The following NBPF11 variants were observed in gnomAD, a reference collection of about 807,000 sequenced individuals.
NBPF11 encodes the protein NBPF member 11, also known as NBPF family member NBPF11.
In NBPF11, 72 loss-of-function variants were observed where a neutral mutation model predicts 93.9. That is an observed-to-expected ratio of 0.77 (90% CI 0.63 to 0.93). The LOEUF (loss-of-function observed/expected upper bound fraction) is 0.93. NBPF11 is among the 40% of genes least tolerant of loss of function. The pLI is 0.00. For synonymous variants in NBPF11, 224 were observed against 304.9 expected, an observed-to-expected ratio of 0.73 and a Z score of 2.76; for missense variants, 705 against 802.2, an observed-to-expected ratio of 0.88 and a Z score of 1.46.
chr1:148,140,759 G>C (rs1261974761), intron 2 of NBPF11, among the ~76,000 whole-genome samples: 3 of 151,840 alleles, frequency 2.0e-5, no homozygotes, highest in African/African-American at 7.3e-5. Context: ...ACCAAATGCT[G>C]TCAAAGATCA....
intron 15 of NBPF11, among the ~76,000 whole-genome samples, chr1:148,112,992 C>T (rs1397968318): frequency 2.0e-5 from 3 of 151,880 alleles, no homozygotes; most frequent in Non-Finnish European, 4.4e-5. Flanking sequence ...AAAGGAACAA[C>T]CGGTACCAGC....
At chr1:148,142,045 G>A (rs1351232780) in intron 2 of NBPF11, among the ~76,000 whole-genome samples, 2 of 144,478 alleles carry the variant, frequency 1.4e-5, no homozygotes, top group African/African-American at 5.2e-5. Context: ...AGGAAGGAAG[G>A]CAGGGAGGGA....
At position 148,115,508 on chromosome 1, in the gene NBPF11, A is replaced by T. The variant is rs1207277612; in HGVS notation, c.1585+285T>A. On this transcript the variant is annotated intron_variant, in intron 14 of 23. Coordinates refer to ENST00000682118, the MANE Select transcript of NBPF11 (RefSeq NM_001385469.3). The stretch of plus-strand genomic sequence containing the variant: ...ATGACTAAATCACAGATGACAAGAG[A>T]TACTGAATCGAAGTTAGGAGGCCTG... Among the ~76,000 whole-genome samples, 3 of 151,348 alleles carry T rather than the reference A, an allele frequency of 2.0e-5. No homozygotes were observed. In the East Asian group the frequency reaches 5.8e-4, roughly 29 times the overall value.
chr1:148,113,094 G>A (rs1352308382), intron 15 of NBPF11, among the ~76,000 whole-genome samples: 3 of 151,978 alleles, frequency 2.0e-5, no homozygotes, highest in East Asian at 1.9e-4. Flanking sequence ...ACATCATAAC[G>A]ACAGGATCAA....
At chr1:148,151,509 T>C (rs2746929) in intron 1 of NBPF11, among the ~76,000 whole-genome samples, 34 of 151,968 alleles carry the variant, frequency 2.2e-4, no homozygotes, top group African/African-American at 4.8e-4. Flanking sequence ...ACAGAACACC[T>C]GCCAGGGAGT....
rs1170640628 is a variant in NBPF11, at chr1:148,122,308, C to A, written c.567-42G>T. 3.8e-3 allele frequency: 6,173 copies of A among 1,609,980 alleles called. 88 individuals are homozygous for A. The highest frequency in any genetic ancestry group is 7.3e-3 in the Admixed American group (441 of 60,012). The stretch of plus-strand genomic sequence containing the variant: ...GACAGAGATGACAGAAGATTAAACA[C>A]AGAGGGATTGGACCCCAAGGAGTCC... On this transcript the variant is annotated intron_variant, in intron 8 of 23. Transcript: ENST00000682118.
intron 1 of NBPF11, chr1:148,149,288 C>A: frequency 3.1e-6 from 5 of 1,596,810 alleles, no homozygotes; most frequent in Admixed American, 3.3e-5. Context: ...CTCGGGCATG[C>A]GCGTCGCCTT....
At position 148,133,315 on chromosome 1, in the gene NBPF11, TCTTA is replaced by T. The variant is rs1224399763; in HGVS notation, c.-36+2353_-36+2356del. Among the ~76,000 whole-genome samples, 5 of 152,122 alleles carry T rather than the reference TCTTA, an allele frequency of 3.3e-5. No homozygotes were observed. In the South Asian group the frequency reaches 6.2e-4, roughly 19 times the overall value. On this transcript the variant is annotated intron_variant, in intron 4 of 23. Coordinates refer to ENST00000682118, the MANE Select transcript of NBPF11 (RefSeq NM_001385469.3). ...TTCTTTTCAATACTTTATTAATTTT[TCTTA>T]CTTTATTGCATTGACTTAGAGCTCT...
chr1:148,103,386 T>A lies in NBPF11; in HGVS notation c.*510A>T. On this transcript the variant is annotated 3_prime_UTR_variant, in exon 24 of 24. Coordinates refer to ENST00000682118, the MANE Select transcript of NBPF11 (RefSeq NM_001385469.3). ...CCTGCAAAATGAAATCCCTGAGGAA[T>A]TTTGTAGCTACCCAGAGATACGTGG... 2.1e-6 allele frequency: 1 copy of A among 477,976 alleles called. No homozygotes were observed. The allele number at this position is 477,976 out of a possible 1,614,324, so 29.6% of individuals were successfully genotyped here.
At position 148,136,315 on chromosome 1, in the gene NBPF11, A is replaced by G. The variant is rs1229240914; in HGVS notation, c.-177-502T>C. On this transcript the variant is annotated intron_variant, in intron 3 of 23. Transcript: ENST00000682118. ...ATTCGTAATAGGAAAAACTGGAAACATTCAAATATCTATCAATACAAGAAT... is the reference window on the plus strand; with the variant it reads ...ATTCGTAATAGGAAAAACTGGAAACGTTCAAATATCTATCAATACAAGAAT... Among the ~76,000 whole-genome samples, 164 of 151,964 alleles carry G rather than the reference A, an allele frequency of 1.1e-3. 4 individuals carry two copies. The highest frequency in any genetic ancestry group is 3.6e-3 in the African/African-American group (150 of 41,260).
intron 5 of NBPF11, 144 bp downstream of exon 5, chr1:148,126,685 C>T (rs1250716325): frequency 1.5e-6 from 1 of 651,794 alleles, no homozygotes; most frequent in African/African-American, 1.8e-5. Context: ...ACTTTGGTAC[C>T]TCTGTCTTCC....
chr1:148,146,317 C>A lies in NBPF11; in HGVS notation c.-548-2631G>T, dbSNP rs1487752630. The A allele has an allele frequency of 7.6e-4, 1,051 of 1,382,408 alleles. 2 individuals are homozygous for A. The highest frequency in any genetic ancestry group is 4.4e-3 in the Middle Eastern group (16 of 3,662). The allele number at this position is 1,382,408 out of a possible 1,614,324, so 85.6% of individuals were successfully genotyped here. On this transcript the variant is annotated intron_variant, in intron 1 of 23. Transcript: ENST00000682118. ...CCTGCCCGCGACTCGGAGCACCCCACCCCTCCCCTGCCGGGCCAGGCCGGG... is the reference window on the plus strand; with the variant it reads ...CCTGCCCGCGACTCGGAGCACCCCAACCCTCCCCTGCCGGGCCAGGCCGGG...
chr1:148,104,667 A>T, intron 22 of NBPF11, 22 bp from the exon 23 acceptor site: 1 of 517,316 alleles, frequency 1.9e-6, no homozygotes, highest in Non-Finnish European at 3.3e-6. Context: ...TCAGACATGG[A>T]CAGACACATT....
At chr1:148,125,168 C>T (rs1438913248) in intron 5 of NBPF11, among the ~76,000 whole-genome samples, 167 bp from the exon 6 acceptor site, 1 of 152,036 alleles carries the variant, frequency 6.6e-6, no homozygotes, top group African/African-American at 2.4e-5. Context: ...GACTTTCTGG[C>T]ATCTGATCCT....
chr1:148,134,822 TCA>T (rs1671007493), intron 4 of NBPF11, among the ~76,000 whole-genome samples: 3 of 151,852 alleles, frequency 2.0e-5, no homozygotes, highest in Admixed American at 6.5e-5. Context: ...GAAGAGATGC[TCA>T]CAGACAACCA....
At chr1:148,146,981 G>T (rs1673238566) in intron 1 of NBPF11, 12 of 1,485,338 alleles carry the variant, frequency 8.1e-6, no homozygotes, top group Non-Finnish European at 1.0e-5. Context: ...CCAGGCGGGG[G>T]GCCGGGGGGC....
intron 4 of NBPF11, among the ~76,000 whole-genome samples, chr1:148,134,345 G>A (rs1269332753): frequency 1.2e-4 from 18 of 151,178 alleles, no homozygotes; most frequent in Non-Finnish European, 1.8e-4. Context: ...GAAGAAATAC[G>A]GACCTCACCT....
chr1:148,132,064 G>T (rs1359421989), intron 4 of NBPF11, among the ~76,000 whole-genome samples: 3 of 143,292 alleles, frequency 2.1e-5, no homozygotes, highest in Non-Finnish European at 4.6e-5. Flanking sequence ...CTTTTCTGAA[G>T]TATCTATTCA....
Position 148,103,125 on chromosome 1 carries a change from G to C in NBPF11, c.*771C>G. 1.6e-5 allele frequency: 3 copies of C among 182,908 alleles called. No homozygotes were observed. In the South Asian group the frequency reaches 3.1e-4, roughly 19 times the overall value. The allele number at this position is 182,908 out of a possible 1,614,324, so 11.3% of individuals were successfully genotyped here. On this transcript the variant is annotated 3_prime_UTR_variant, in exon 24 of 24. Coordinates refer to ENST00000682118, the MANE Select transcript of NBPF11 (RefSeq NM_001385469.3). ...ACCAATTGGAGGCTGAAGGACTGTG[G>C]CTTCTCTAACCAAAGGAGCCTAGCG...
Sources: gnomAD v4.1 joint callset for allele counts (sites outside exome capture counted in the v4.1 genomes callset) on GRCh38, gnomAD v4.1.1 for gene constraint, MANE v1.5 for transcripts, NCBI Gene and HGNC (gene_info 2026-07-23, HGNC 2026-07-21) for gene names.